CFAP65: variants seen among roughly 807,000 people sequenced by gnomAD.
CFAP65 encodes cilia- and flagella-associated protein 65.
CFAP65 carries 155 observed loss-of-function variants against 208.0 expected under a neutral mutation model. The ratio of observed to expected loss-of-function variants is 0.75; its 90% confidence interval spans 0.65 to 0.85. CFAP65 has a LOEUF of 0.85. Among genes scored for constraint, CFAP65 ranks in the 40% least tolerant of loss-of-function variants. The pLI, the probability that CFAP65 is intolerant of heterozygous loss-of-function variation, is 0.00. For missense variants in CFAP65, 2,294 were observed against 2,451.3 expected, an observed-to-expected ratio of 0.94 and a Z score of 1.36; for synonymous variants, 970 against 986.3, an observed-to-expected ratio of 0.98 and a Z score of 0.31.
At chr2:219,027,352 A>T (rs1947695800) in intron 13 of CFAP65, 21 of 1,449,358 alleles carry the variant, frequency 1.4e-5, no homozygotes, top group Non-Finnish European at 1.8e-5. Context: ...CCTCCTAGCC[A>T]GGAGCCCCAG....
At position 219,031,404 on chromosome 2, in the gene CFAP65, G is replaced by C. The variant is rs992833467; in HGVS notation, c.815+85C>G. The C allele has an allele frequency of 6.2e-7, 1 of 1,608,254 alleles. No homozygotes were observed. The highest frequency in any genetic ancestry group is 1.1e-5 in the South Asian group (1 of 90,370). ...GCAGAACCTCAGACTACCCTACCCCGACAAGGGTATGCCTGTCTCTCCTGC... is the reference window on the plus strand; with the variant it reads ...GCAGAACCTCAGACTACCCTACCCCCACAAGGGTATGCCTGTCTCTCCTGC... On this transcript the variant is annotated intron_variant, in intron 7 of 34. Coordinates refer to ENST00000341552, the MANE Select transcript of CFAP65 (RefSeq NM_194302.4). This position sits in a 1 kb window ranked among gnomAD's most constrained non-coding sequence, Gnocchi z 5.2.
chr2:219,024,472 G>GGAGAT lies in CFAP65; in HGVS notation c.2350-213_2350-212insATCTC, dbSNP rs1233784591. Among the ~76,000 whole-genome samples the GGAGAT allele has an allele frequency of 6.1e-4, 76 of 124,696 alleles. 1 individual carries two copies. Among genetic ancestry groups the GGAGAT allele is most frequent in the African/African-American group, 2.4e-3 (66 of 27,296 alleles). The allele number at this position is 124,696 out of a possible 152,430, so 81.8% of individuals were successfully genotyped here. On this transcript the variant is annotated intron_variant, in intron 14 of 34. Transcript: ENST00000341552. Reference sequence around the variant, plus strand: ...TTGTTCTCCAGAGACCTCCAGAAAGGGGCGGGGGGGGGGCAGGGGGGCGGG... The same window carrying GGAGAT: ...TTGTTCTCCAGAGACCTCCAGAAAGGGAGATGGCGGGGGGGGGGCAGGGGGGCGGG...
Position 219,031,889 on chromosome 2 carries a change from G to A in CFAP65, c.646-231C>T, listed in dbSNP as rs1272596246. On this transcript the variant is annotated intron_variant, in intron 6 of 34. Coordinates refer to ENST00000341552, the MANE Select transcript of CFAP65 (RefSeq NM_194302.4). This position sits in a 1 kb window ranked among gnomAD's most constrained non-coding sequence, Gnocchi z 5.2. ...AAATGTGGGTGGGGAGTGGCAGGAA[G>A]AGGCCAAGGAATGTAGAAGGGGTTT... Among the ~76,000 whole-genome samples, 6 of 151,956 alleles carry A rather than the reference G, an allele frequency of 3.9e-5. No individual in the cohort carries two copies. The highest frequency in any genetic ancestry group is 8.8e-5 in the Non-Finnish European group (6 of 67,972).
chr2:219,024,136 G>A lies in CFAP65; in HGVS notation c.2474C>T (p.Thr825Ile), dbSNP rs1039704428. The change falls in exon 15 of 35, where the codon ACT (threonine) becomes ATT (isoleucine). Residue 825 changes from threonine (T) to isoleucine (I), a missense_variant. Thr to Ile is a moderately conservative substitution (Grantham distance 89). This residue lies in a region of CFAP65 where 1,427 missense variants were observed against 1,438.7 expected (regional missense o/e 0.99). Coordinates refer to ENST00000341552, the MANE Select transcript of CFAP65 (RefSeq NM_194302.4). Reference sequence around the variant, plus strand: ...GGCCCCGGGTGCCACAAGGCCCGAAGTGGGCCGAAGGATGACGTCTGAGCC... The same window carrying A: ...GGCCCCGGGTGCCACAAGGCCCGAAATGGGCCGAAGGATGACGTCTGAGCC... ...QRGSDVILRP[T>I]SGLVAPGAHQ... 19 of 1,614,064 alleles carry A rather than the reference G, an allele frequency of 1.2e-5. No individual in the cohort carries two copies. Among genetic ancestry groups the A allele is most frequent in the Non-Finnish European group, 1.5e-5 (18 of 1,180,036 alleles).
chr2:219,034,979 C>T (rs1469995655), intron 5 of CFAP65: 3 of 209,602 alleles, frequency 1.4e-5, no homozygotes, highest in Non-Finnish European at 2.8e-5. Context: ...TGAACAGGTA[C>T]ATGGCCCAAG....
chr2:219,021,015 A>G (rs1459824611), intron 19 of CFAP65, 137 bp downstream of exon 19: 1 of 929,846 alleles, frequency 1.1e-6, no homozygotes, highest in African/African-American at 1.7e-5. Context: ...TATGCCAGAC[A>G]CCAAAGGCAC....
At chr2:219,040,184 G>T (rs1249790386) in intron 2 of CFAP65, among the ~76,000 whole-genome samples, 1 of 152,080 alleles carries the variant, frequency 6.6e-6, no homozygotes, top group Non-Finnish European at 1.5e-5. Context: ...TTATGATTAC[G>T]TGTGACTTGC....
rs370988123 is a variant in CFAP65 at position 219,004,774 on chromosome 2, C to A, written c.5052-319G>T. Among the ~76,000 whole-genome samples, 1 of 140,540 alleles carries A rather than the reference C, an allele frequency of 7.1e-6. No individual in the cohort carries two copies. The highest frequency in any genetic ancestry group is 1.5e-5 in the Non-Finnish European group (1 of 66,422). 92.2% of individuals were successfully genotyped at this position (140,540 alleles called of 152,430 possible). A position where few individuals can be genotyped will look rare whatever the true frequency, so the allele number is the denominator to read the frequency against. On this transcript the variant is annotated intron_variant, in intron 32 of 34. Transcript: ENST00000341552. The surrounding 1 kb of genome is among the most constrained non-coding windows in gnomAD (Gnocchi z 4.7). The stretch of plus-strand genomic sequence containing the variant: ...ATGGGGCAGAACTCAGGATCCAGAC[C>A]TGAGAATCCCTCCAGCCAGCTCCAT...
At chr2:219,006,770 G>A (rs1003045567) in intron 29 of CFAP65, among the ~76,000 whole-genome samples, 3 of 150,694 alleles carry the variant, frequency 2.0e-5, no homozygotes, top group Non-Finnish European at 2.9e-5. Context: ...GGAGGTGGAG[G>A]TTGCAGTGAG....
At chr2:219,029,778 C>T in intron 10 of CFAP65, 110 bp from the exon 11 acceptor site, 1 of 1,381,738 alleles carries the variant, frequency 7.2e-7, no homozygotes, top group South Asian at 1.3e-5. Context: ...GCCCTGGCAG[C>T]CTGAGCAGAA....
At chr2:219,025,995 T>G (rs369754830) in intron 14 of CFAP65, 27 bp downstream of exon 14, 6 of 1,610,276 alleles carry the variant, frequency 3.7e-6, no homozygotes, top group Non-Finnish European at 5.1e-6. Context: ...CCTGTCTCCC[T>G]CCCACTGCTG....
chr2:219,035,704 T>C, intron 4 of CFAP65, 40 bp from the exon 5 acceptor site: 1 of 1,571,886 alleles, frequency 6.4e-7, no homozygotes, highest in Non-Finnish European at 8.6e-7. Context: ...AGAAAGGATG[T>C]ATCAGCAGGG....
chr2:219,007,494 G>T (rs527765835), intron 29 of CFAP65, among the ~76,000 whole-genome samples: 10 of 151,966 alleles, frequency 6.6e-5, no homozygotes, highest in Non-Finnish European at 1.0e-4. Flanking sequence ...GAAGTAATTT[G>T]TATCCACAGT....
chr2:219,018,917 C>T (rs1033827530), intron 21 of CFAP65, 134 bp downstream of exon 21: 11 of 1,242,480 alleles, frequency 8.9e-6, no homozygotes, highest in South Asian at 2.8e-5. Flanking sequence ...CCTCCACAGC[C>T]GTCAATGTGA....
Position 219,004,768 on chromosome 2 carries a change from C to G in CFAP65, c.5052-313G>C, listed in dbSNP as rs1461723693. Among the ~76,000 whole-genome samples the G allele has an allele frequency of 6.7e-6, 1 of 150,040 alleles. No individual in the cohort carries two copies. Among genetic ancestry groups the G allele is most frequent in the Non-Finnish European group, 1.5e-5 (1 of 67,584 alleles). On this transcript the variant is annotated intron_variant, in intron 32 of 34. Transcript: ENST00000341552. The surrounding 1 kb of genome is among the most constrained non-coding windows in gnomAD (Gnocchi z 4.7). ...CCTGGAATGGGGCAGAACTCAGGAT[C>G]CAGACCTGAGAATCCCTCCAGCCAG...
chr2:219,021,584 G>C (rs1467262671), intron 18 of CFAP65, among the ~76,000 whole-genome samples, 196 bp downstream of exon 18: 1 of 152,200 alleles, frequency 6.6e-6, no homozygotes, highest in Admixed American at 6.5e-5. Flanking sequence ...GCCCAGGCTA[G>C]AGGGCAGTGG....
At chr2:219,039,728 C>G (rs1306617827) in intron 2 of CFAP65, among the ~76,000 whole-genome samples, 1 of 152,106 alleles carries the variant, frequency 6.6e-6, no homozygotes, top group African/African-American at 2.4e-5. Context: ...AGGTACTTTA[C>G]TTTCTTATTT....
chr2:219,007,818 CTT>C (rs376788210), intron 29 of CFAP65, among the ~76,000 whole-genome samples: 27 of 145,536 alleles, frequency 1.9e-4, no homozygotes, highest in African/African-American at 2.3e-4. Flanking sequence ...AGACTTTTAT[CTT>C]TTTTTTTTTT....
At chr2:219,039,272 A>C in intron 2 of CFAP65, 1 of 358,622 alleles carries the variant, frequency 2.8e-6, no homozygotes, top group Non-Finnish European at 5.1e-6. Flanking sequence ...ACCTCAATCT[A>C]AGGCACACAA....
Sources: gnomAD v4.1 joint callset for allele counts (sites outside exome capture counted in the v4.1 genomes callset) on GRCh38, gnomAD v4.1.1 for gene constraint, gnomAD v4.1.1 regional missense constraint, Gnocchi (gnomAD v3.1) non-coding constraint, MANE v1.5 for transcripts, NCBI Gene and HGNC (gene_info 2026-07-23, HGNC 2026-07-21) for gene names.